NCKAP5: variants seen among roughly 807,000 people sequenced by gnomAD.
The protein encoded by NCKAP5 is nck-associated protein 5.
Under a neutral mutation model 167.0 loss-of-function variants are expected in NCKAP5, and 92 were observed. That is an observed-to-expected ratio of 0.55 (90% CI 0.47 to 0.66). The LOEUF (loss-of-function observed/expected upper bound fraction) is 0.66. NCKAP5 is among the 30% of genes least tolerant of loss of function. The pLI, the probability that NCKAP5 is intolerant of heterozygous loss-of-function variation, is 0.00. For missense variants in NCKAP5, 2,378 were observed against 2,315.0 expected (o/e 1.03, Z -0.56); for synonymous variants, 891 against 877.4 (o/e 1.02, Z -0.27).
the NCKAP5 span, among the ~76,000 whole-genome samples, chr2:133,603,228 CTT>C: frequency 8.3e-4 from 114 of 137,846 alleles, no homozygotes; most frequent in Middle Eastern, 3.7e-3. Context: ...CTTTTTCTTT[CTT>C]TTTTTTTTTT....
intron 3 of NCKAP5, among the ~76,000 whole-genome samples, chr2:133,341,914 A>G (rs1683613668): frequency 6.6e-6 from 1 of 152,196 alleles, no homozygotes; most frequent in Non-Finnish European, 1.5e-5. Flanking sequence ...GCCATGACTA[A>G]TGAATAGAAT....
At chr2:133,609,113 G>A in the NCKAP5 span, among the ~76,000 whole-genome samples, 3 of 152,064 alleles carry the variant, frequency 2.0e-5, no homozygotes, top group Non-Finnish European at 4.4e-5. Context: ...TGCTATTCAC[G>A]AGCCAGGCAT....
intron 5 of NCKAP5, among the ~76,000 whole-genome samples, chr2:133,134,597 G>T (rs542430544): frequency 2.0e-5 from 3 of 152,334 alleles, no homozygotes; most frequent in African/African-American, 7.2e-5. Flanking sequence ...TGAGCAAAGA[G>T]TTAAGTTCTA....
At chr2:132,942,921 A>C (rs1489835832) in intron 8 of NCKAP5, among the ~76,000 whole-genome samples, 1 of 152,212 alleles carries the variant, frequency 6.6e-6, no homozygotes, top group Non-Finnish European at 1.5e-5. Context: ...AAGAGCAACG[A>C]AACAGTTTGC....
intron 2 of NCKAP5, among the ~76,000 whole-genome samples, chr2:133,552,748 A>G (rs1558779627): frequency 7.3e-6 from 1 of 137,714 alleles, no homozygotes; most frequent in South Asian, 2.4e-4. Context: ...AGTATAATAA[A>G]AAAAAAAGAA....
chr2:132,811,989 T>C (rs1685912202), intron 11 of NCKAP5, among the ~76,000 whole-genome samples: 1 of 152,138 alleles, frequency 6.6e-6, no homozygotes, highest in Non-Finnish European at 1.5e-5. Context: ...GCTCTCTAAA[T>C]TGACTCAGCT....
At chr2:133,213,844 G>T in intron 4 of NCKAP5, 65 bp from the exon 5 acceptor site, 1 of 1,505,938 alleles carries the variant, frequency 6.6e-7, no homozygotes, top group African/African-American at 1.4e-5. Context: ...TGGCATGGCC[G>T]TGAAACATTC....
At chr2:133,304,848 G>A (rs1363645797) in intron 3 of NCKAP5, among the ~76,000 whole-genome samples, 1 of 152,204 alleles carries the variant, frequency 6.6e-6, no homozygotes, top group East Asian at 1.9e-4. Flanking sequence ...ATAAGTGAAC[G>A]GATTCGTTTC....
intron 3 of NCKAP5, among the ~76,000 whole-genome samples, chr2:133,504,522 G>C (rs1405219601): frequency 6.6e-6 from 1 of 151,932 alleles, no homozygotes. Flanking sequence ...AGAGAACCCT[G>C]ATGTTTCTGC....
At position 133,476,545 on chromosome 2, in the gene NCKAP5, C is replaced by T. The variant is rs116851789; in HGVS notation, c.69+40913G>A. Among the ~76,000 whole-genome samples the T allele has an allele frequency of 9.7e-4, 147 of 152,246 alleles. 3 individuals carry two copies. The East Asian group carries it at 0.026, about 27-fold the overall frequency. ...AAGTCATCGAGCAGCATGTGATGGCCCTACATATTGCCTTCCTGCCTTCAC... is the reference window on the plus strand; with the variant it reads ...AAGTCATCGAGCAGCATGTGATGGCTCTACATATTGCCTTCCTGCCTTCAC... On this transcript the variant is annotated intron_variant, in intron 3 of 19. Coordinates refer to ENST00000409261, the MANE Select transcript of NCKAP5 (RefSeq NM_207363.3).
chr2:132,951,343 A>G (rs2076181462), intron 8 of NCKAP5, among the ~76,000 whole-genome samples: 1 of 152,232 alleles, frequency 6.6e-6, no homozygotes, highest in African/African-American at 2.4e-5. Flanking sequence ...AGAAAGTTCA[A>G]TTCATAAATT....
chr2:132,725,542 G>T, intron 19 of NCKAP5, 85 bp downstream of exon 19: 2 of 1,444,548 alleles, frequency 1.4e-6, no homozygotes, highest in Non-Finnish European at 1.8e-6. Flanking sequence ...ATCAAAGAGG[G>T]TGGGGGCCGA....
At chr2:133,574,813 C>T in the NCKAP5 span, among the ~76,000 whole-genome samples, 3 of 152,070 alleles carry the variant, frequency 2.0e-5, no homozygotes. Context: ...CCTAACCCAA[C>T]AACCCTGGAA....
chr2:133,317,069 G>A (rs982600382), intron 3 of NCKAP5, among the ~76,000 whole-genome samples: 6 of 152,142 alleles, frequency 3.9e-5, no homozygotes, highest in Admixed American at 6.5e-5. Context: ...AGGAAATAAA[G>A]GATGGAGCGC....
intron 8 of NCKAP5, among the ~76,000 whole-genome samples, chr2:132,910,044 C>T (rs566826716): frequency 2.6e-5 from 4 of 152,284 alleles, no homozygotes; most frequent in Admixed American, 1.3e-4. Flanking sequence ...CTAGTGAAAA[C>T]GTGGAGTCAG....
At position 132,712,419 on chromosome 2, in the gene NCKAP5, A is replaced by AG. The variant is rs1236797781; in HGVS notation, c.5713+13207dup. Among the ~76,000 whole-genome samples, 4 of 152,250 alleles carry AG rather than the reference A, an allele frequency of 2.6e-5. No individual in the cohort carries two copies. The East Asian group carries it at 7.8e-4, about 30-fold the overall frequency. ...GTAATCCCAGCACTTTGGGAGGCCA[A>AG]GGGGGGCGGATCATGAGGTCAGGAG... On this transcript the variant is annotated intron_variant, in intron 19 of 19. Coordinates refer to ENST00000409261, the MANE Select transcript of NCKAP5 (RefSeq NM_207363.3).
At chr2:132,975,465 T>A (rs79850677) in intron 7 of NCKAP5, among the ~76,000 whole-genome samples, 9,946 of 152,254 alleles carry the variant, frequency 0.065, 455 homozygotes, top group South Asian at 0.14. Context: ...TTTCAGATGA[T>A]GCTTTTATTG....
At chr2:133,352,795 C>T (rs1684456926) in intron 3 of NCKAP5, among the ~76,000 whole-genome samples, 1 of 152,200 alleles carries the variant, frequency 6.6e-6, no homozygotes, top group Non-Finnish European at 1.5e-5. Context: ...GCCAGAAATC[C>T]CACTGGCCTG....
chr2:132,857,958 G>C (rs1432788717), intron 11 of NCKAP5, among the ~76,000 whole-genome samples: 1 of 152,044 alleles, frequency 6.6e-6, no homozygotes, highest in Admixed American at 6.6e-5. Context: ...CAAAGAATTG[G>C]CTGTTTCTTA....
Sources: gnomAD v4.1 joint callset for allele counts (sites outside exome capture counted in the v4.1 genomes callset) on GRCh38, gnomAD v4.1.1 for gene constraint, MANE v1.5 for transcripts, NCBI Gene and HGNC (gene_info 2026-07-23, HGNC 2026-07-21) for gene names.